The following GPHN variants were observed in gnomAD, a reference collection of about 807,000 sequenced individuals.
GPHN encodes gephyrin.
Under a neutral mutation model 95.5 loss-of-function variants are expected in GPHN, and 17 were observed. That is an observed-to-expected ratio of 0.18 (90% CI 0.12 to 0.27). GPHN has a LOEUF of 0.27. Ranked by LOEUF, GPHN falls within the 10% of genes least tolerant of loss-of-function variation. GPHN has a pLI of 1.00. For synonymous variants in GPHN, 320 were observed against 322.5 expected (o/e 0.99, Z 0.08); for missense variants, 660 against 978.1 (o/e 0.67, Z 4.34).
rs115214488 is a variant in GPHN at position 67,101,343 on chromosome 14, G to A, written c.1293+432G>A. On this transcript the variant is annotated intron_variant, in intron 13 of 22. Transcript: ENST00000478722. ...TTTTTCTCACTTGGGATCTAGCCAG[G>A]GAACAGGTTTACATATATTTTTATT... is the stretch of plus-strand genomic sequence containing the variant. Among the ~76,000 whole-genome samples, 658 of 152,046 alleles carry A rather than the reference G, an allele frequency of 4.3e-3. 3 individuals are homozygous for A. Among genetic ancestry groups the A allele is most frequent in the African/African-American group, 0.015 (617 of 41,492 alleles).
chr14:67,734,022 A>C, the GPHN span: 1 of 570,940 alleles, frequency 1.8e-6, no homozygotes, highest in Non-Finnish European at 3.3e-6. Flanking sequence ...CTCTTGTGAG[A>C]CTGGCTTATG....
At position 66,984,158 on chromosome 14, in the gene GPHN, T is replaced by C. The variant is rs371251400; in HGVS notation, c.963+18833T>C. ...AAAGCCTCATGAGGCATCAGACTCTTATATTTTTATAGGAATCTACCAACT... is the reference window on the plus strand; with the variant it reads ...AAAGCCTCATGAGGCATCAGACTCTCATATTTTTATAGGAATCTACCAACT... On this transcript the variant is annotated intron_variant, in intron 9 of 22. Coordinates refer to ENST00000478722, the MANE Select transcript of GPHN (RefSeq NM_020806.5). 4.9e-4 allele frequency among the ~76,000 whole-genome samples: 74 copies of C among 152,320 alleles called. No individual in the cohort carries two copies. In the Middle Eastern group the frequency reaches 0.01, roughly 21 times the overall value.
At chr14:67,578,742 C>T in the GPHN span, 19 of 743,598 alleles carry the variant, frequency 2.6e-5, 1 homozygote, top group South Asian at 1.7e-4. This position sits in a 1 kb window ranked among gnomAD's most constrained non-coding sequence, Gnocchi z 5.0. Flanking sequence ...CCTCTGAAAC[C>T]GCTCAGTGGT....
At chr14:67,358,737 G>T in the GPHN span, among the ~76,000 whole-genome samples, 1 of 152,156 alleles carries the variant, frequency 6.6e-6, no homozygotes, top group Non-Finnish European at 1.5e-5. Flanking sequence ...AACAGGATGA[G>T]GAGGAGAAAG....
At chr14:67,284,178 T>C in the GPHN span, among the ~76,000 whole-genome samples, 1 of 152,148 alleles carries the variant, frequency 6.6e-6, no homozygotes, top group Non-Finnish European at 1.5e-5. Context: ...CTGTAGTCCA[T>C]AAAATTTGTG....
chr14:66,923,314 G>GGT (rs1555441865), intron 7 of GPHN, among the ~76,000 whole-genome samples: 1 of 151,806 alleles, frequency 6.6e-6, no homozygotes, highest in Admixed American at 6.6e-5. Flanking sequence ...GCAAACTGAA[G>GGT]GTAAAAGACC....
the GPHN span, chr14:67,729,357 G>A: frequency 2.5e-6 from 4 of 1,597,886 alleles, no homozygotes; most frequent in Admixed American, 5.0e-5. Flanking sequence ...AGGGCCTGGA[G>A]CCCCTGAGTG....
intron 1 of GPHN, among the ~76,000 whole-genome samples, chr14:66,525,409 T>C (rs186658990): frequency 0.015 from 2,309 of 152,280 alleles, 20 homozygotes; most frequent in Middle Eastern, 0.034. Flanking sequence ...GTCAGATGAG[T>C]AGATTGCAAA....
Position 66,571,045 on chromosome 14 carries a change from G to A in GPHN, c.64+62454G>A, listed in dbSNP as rs550484906. Reference sequence around the variant, plus strand: ...TCAAACGTATGGGGTGTATTAGTCCGTTTTCACACTGCTATAAAGAAATAC... The same window carrying A: ...TCAAACGTATGGGGTGTATTAGTCCATTTTCACACTGCTATAAAGAAATAC... On this transcript the variant is annotated intron_variant, in intron 1 of 22. Transcript: ENST00000478722. Among the ~76,000 whole-genome samples, 20 of 152,160 alleles carry A rather than the reference G, an allele frequency of 1.3e-4. No individual in the cohort carries two copies. In the East Asian group the frequency reaches 1.9e-3, roughly 15 times the overall value.
the GPHN span, among the ~76,000 whole-genome samples, chr14:67,395,028 C>T: frequency 3.7e-4 from 56 of 152,184 alleles, no homozygotes; most frequent in African/African-American, 1.3e-3. Context: ...GAAATAAATC[C>T]CTCCTTATGA....
At chr14:67,011,058 TC>T (rs1249710340) in intron 9 of GPHN, among the ~76,000 whole-genome samples, 2 of 152,152 alleles carry the variant, frequency 1.3e-5, no homozygotes, top group African/African-American at 4.8e-5. Context: ...AAAATTAGTT[TC>T]TTTTTTTTAT....
At chr14:66,539,022 G>T (rs1036862489) in intron 1 of GPHN, among the ~76,000 whole-genome samples, 2 of 151,988 alleles carry the variant, frequency 1.3e-5, no homozygotes, top group Non-Finnish European at 2.9e-5. Flanking sequence ...GTCTATCTCT[G>T]GTTTGTCTCC....
intron 11 of GPHN, among the ~76,000 whole-genome samples, chr14:67,073,301 C>A (rs1001858868): frequency 2.6e-5 from 4 of 152,090 alleles, no homozygotes; most frequent in Non-Finnish European, 5.9e-5. Flanking sequence ...CCAACAAATT[C>A]ACCCATTGGA....
chr14:67,537,662 C>T, the GPHN span, among the ~76,000 whole-genome samples: 1 of 152,060 alleles, frequency 6.6e-6, no homozygotes, highest in Admixed American at 6.6e-5. Flanking sequence ...GAGACCCTGT[C>T]TCAAAAGAAA....
At chr14:67,632,756 A>G in the GPHN span, among the ~76,000 whole-genome samples, 64,772 of 149,168 alleles carry the variant, frequency 0.43, 18,167 homozygotes, top group African/African-American at 0.8. Flanking sequence ...AAATAGAAGG[A>G]AGGAAGGGAG....
At chr14:66,830,123 A>G (rs1411137007) in intron 4 of GPHN, among the ~76,000 whole-genome samples, 2 of 152,158 alleles carry the variant, frequency 1.3e-5, no homozygotes, top group Non-Finnish European at 2.9e-5. Flanking sequence ...TGACGTATTT[A>G]TCATCTGATG....
chr14:66,742,856 G>A (rs534212048), intron 2 of GPHN, among the ~76,000 whole-genome samples: 43 of 152,160 alleles, frequency 2.8e-4, no homozygotes, highest in Non-Finnish European at 5.3e-4. Context: ...CGGCCTTCTG[G>A]GTTCACGCCA....
intron 1 of GPHN, among the ~76,000 whole-genome samples, chr14:66,559,694 G>A (rs1179840573): frequency 6.6e-6 from 1 of 151,276 alleles, no homozygotes. Context: ...TAGGTTGCCT[G>A]TTCACTCTGA....
At chr14:67,588,921 T>C in the GPHN span, 1 of 152,632 alleles carries the variant, frequency 6.6e-6, no homozygotes, top group Non-Finnish European at 1.5e-5. Flanking sequence ...CTCTTTTAAA[T>C]GTACTTGACT....
Sources: gnomAD v4.1 joint callset for allele counts (sites outside exome capture counted in the v4.1 genomes callset) on GRCh38, gnomAD v4.1.1 for gene constraint, Gnocchi (gnomAD v3.1) non-coding constraint, MANE v1.5 for transcripts, NCBI Gene and HGNC (gene_info 2026-07-23, HGNC 2026-07-21) for gene names.